DSG2: variants seen among roughly 807,000 people sequenced by gnomAD.
The protein encoded by DSG2 is desmoglein 2.
In DSG2, 45 loss-of-function variants were observed where a neutral mutation model predicts 75.6. The observed-to-expected ratio is 0.60, with a 90% confidence interval of 0.47 to 0.76. DSG2 has a LOEUF of 0.76. Ranked by LOEUF, DSG2 falls within the 30% of genes least tolerant of loss-of-function variation. The pLI is 0.00. For missense variants in DSG2, 1,267 were observed against 1,357.4 expected, an observed-to-expected ratio of 0.93 and a Z score of 1.05; for synonymous variants, 429 against 483.9, an observed-to-expected ratio of 0.89 and a Z score of 1.49.
chr18:31,531,269 C>T lies in DSG2; in HGVS notation c.1280+17C>T, dbSNP rs199885701. ...CCATGCAAGGTAAGAGAGAGTGACA[C>T]GTGTATTTCTTTATTTTAAATTATT... On this transcript the variant is annotated intron_variant, in intron 9 of 14. Transcript: ENST00000261590. 895 of 1,613,004 alleles carry T rather than the reference C, an allele frequency of 5.5e-4. 6 individuals carry two copies. The highest frequency in any genetic ancestry group is 4.9e-3 in the South Asian group (448 of 90,840).
At chr18:31,502,571 G>A (rs2073019021) in intron 1 of DSG2, among the ~76,000 whole-genome samples, 1 of 152,216 alleles carries the variant, frequency 6.6e-6, no homozygotes, top group African/African-American at 2.4e-5. Context: ...CCAGCATGGT[G>A]AAACCCCATC....
chr18:31,542,390 C>A, intron 13 of DSG2, 130 bp from the exon 14 acceptor site: 1 of 905,878 alleles, frequency 1.1e-6, no homozygotes, highest in Non-Finnish European at 1.8e-6. Flanking sequence ...ACTCAAAATA[C>A]TTTTTCTAAC....
chr18:31,502,375 G>A (rs1390228357), intron 1 of DSG2, among the ~76,000 whole-genome samples: 2 of 152,160 alleles, frequency 1.3e-5, no homozygotes, highest in African/African-American at 2.4e-5. Flanking sequence ...CTATATTTAT[G>A]ACATAGAAAA....
chr18:31,504,640 G>GTGC (rs1356823286), intron 1 of DSG2, among the ~76,000 whole-genome samples: 1 of 152,158 alleles, frequency 6.6e-6, no homozygotes, highest in African/African-American at 2.4e-5. Flanking sequence ...GGCCAAGAGG[G>GTGC]TGCTGCCCTT....
In DSG2 at chr18:31,546,000, G is replaced by C. The variant is rs754057911; in HGVS notation, c.2614G>C (p.Glu872Gln). 2.5e-6 allele frequency: 4 copies of C among 1,614,040 alleles called. No homozygotes were observed. The highest frequency in any genetic ancestry group is 1.3e-5 in the African/African-American group (1 of 74,922). The change falls in exon 15 of 15, where the codon GAG (glutamate) becomes CAG (glutamine). Residue 872 changes from glutamate to glutamine, a missense_variant. Glu to Gln is a conservative substitution (Grantham distance 29, BLOSUM62 2). Coordinates refer to ENST00000261590, the MANE Select transcript of DSG2 (RefSeq NM_001943.5). Reference sequence around the variant, plus strand: ...GAACACAGCTTCACATTCACTCTGTGAGCAAACTATGGTTAATTCAGAGAA... The same window carrying C: ...GAACACAGCTTCACATTCACTCTGTCAGCAAACTATGGTTAATTCAGAGAA... The part of the protein sequence containing the change: ...SMNTASHSLC[E>Q]QTMVNSENTY...
chr18:31,524,633 T>C lies in DSG2; in HGVS notation c.828+48T>C, dbSNP rs760689391. The C allele has an allele frequency of 5.0e-6, 8 of 1,601,482 alleles. No homozygotes were observed. The African/African-American group carries it at 1.1e-4, about 22-fold the overall frequency. ...CTGTACCTATTTATTTATATTTCAG[T>C]CCTAATTAAAAATATATCACTTATA... On this transcript the variant is annotated intron_variant, in intron 7 of 14. Coordinates refer to ENST00000261590, the MANE Select transcript of DSG2 (RefSeq NM_001943.5).
At chr18:31,539,592 A>T (rs563124960) in intron 12 of DSG2, among the ~76,000 whole-genome samples, 2 of 152,268 alleles carry the variant, frequency 1.3e-5, no homozygotes, top group South Asian at 4.1e-4. Flanking sequence ...GTTTCCTTTT[A>T]TAAAAGAACA....
intron 1 of DSG2, among the ~76,000 whole-genome samples, chr18:31,509,387 AAGTTCAAATTCAG>A (rs2073055114): frequency 6.6e-6 from 1 of 152,028 alleles, no homozygotes; most frequent in African/African-American, 2.4e-5. Context: ...TTATTATCTA[AAGTTCAAATTCAG>A]AGTTCAAAAA....
intron 8 of DSG2, among the ~76,000 whole-genome samples, chr18:31,530,564 C>A (rs1170930605): frequency 2.0e-5 from 3 of 151,966 alleles, no homozygotes; most frequent in Non-Finnish European, 2.9e-5. Flanking sequence ...ACCACAGGCA[C>A]GAGCTATCAT....
intron 6 of DSG2, 78 bp from the exon 7 acceptor site, chr18:31,524,370 T>C (rs1598812626): frequency 6.3e-7 from 1 of 1,581,664 alleles, no homozygotes. Context: ...TGGTACGTGA[T>C]AAACTGGACT....
At chr18:31,499,322 C>G (rs910228923) in intron 1 of DSG2, among the ~76,000 whole-genome samples, 2 of 151,824 alleles carry the variant, frequency 1.3e-5, no homozygotes, top group Admixed American at 6.6e-5. Context: ...ATGAGCCCTT[C>G]TATCCTCGAG....
Position 31,546,954 on chromosome 18 carries a change from A to G in DSG2, c.*211A>G, listed in dbSNP as rs555912274. On this transcript the variant is annotated 3_prime_UTR_variant, in exon 15 of 15. Coordinates refer to ENST00000261590, the MANE Select transcript of DSG2 (RefSeq NM_001943.5). The stretch of plus-strand genomic sequence containing the variant: ...ATGTTCCACAATTTACTGAAGACAT[A>G]GAGATGATGCTGCTGCTTAGGTGCC... 4.8e-4 allele frequency: 311 copies of G among 643,598 alleles called. 1 individual carries two copies. The highest frequency in any genetic ancestry group is 8.4e-4 in the Middle Eastern group (2 of 2,376). 39.9% of individuals were successfully genotyped at this position (643,598 alleles called of 1,614,324 possible). A position where few individuals can be genotyped will look rare whatever the true frequency, so the allele number is the denominator to read the frequency against.
rs146938937 is a variant in DSG2 at position 31,545,515 on chromosome 18, A to AT, written c.2335-200dup. Among the ~76,000 whole-genome samples the AT allele has an allele frequency of 0.016, 2,500 of 151,832 alleles. 77 individuals are homozygous for AT. The highest frequency in any genetic ancestry group is 0.057 in the African/African-American group (2,363 of 41,368). ...CTGAAACAGTCCCCTCTGCCTTTCTATTTTTTCCCTGATATTAATTTTTTT... is the reference window on the plus strand; with the variant it reads ...CTGAAACAGTCCCCTCTGCCTTTCTATTTTTTTCCCTGATATTAATTTTTTT... On this transcript the variant is annotated intron_variant, in intron 14 of 14. Coordinates refer to ENST00000261590, the MANE Select transcript of DSG2 (RefSeq NM_001943.5).
In DSG2 at chr18:31,546,374, G is replaced by C. The variant is rs1322460685; in HGVS notation, c.2988G>C (p.Gly996=). The C allele has an allele frequency of 6.2e-6, 10 of 1,614,042 alleles. No homozygotes were observed. Among genetic ancestry groups the C allele is most frequent in the Non-Finnish European group, 8.5e-6 (10 of 1,179,952 alleles). The change falls in exon 15 of 15, where the codon GGG becomes GGC. Residue 996 remains glycine, a synonymous_variant. Transcript: ENST00000261590. ...CTGAAAGAGTAATACAGCCTCATGG[G>C]GGTGGATCGAATCCTCTGGAAGGCA... ...VVTERVIQPH[G]GGSNPLEGTQ... is the part of the protein sequence containing the mutation.
In DSG2 at chr18:31,546,148, C is replaced by G. The variant is rs1389011316; in HGVS notation, c.2762C>G (p.Ala921Gly). The G allele has an allele frequency of 6.2e-7, 1 of 1,614,182 alleles. No individual in the cohort carries two copies. Residue 921 changes from alanine to glycine, a missense_variant, in exon 15 of 15, where the codon GCT becomes GGT. Ala to Gly is a moderately conservative substitution (Grantham distance 60, BLOSUM62 0). Coordinates refer to ENST00000261590, the MANE Select transcript of DSG2 (RefSeq NM_001943.5). ...SVSSRQAQKV[A>G]TPLPDPMASR... Reference sequence around the variant, plus strand: ...TCTTCTAGGCAGGCGCAAAAGGTAGCTACACCTCTTCCTGACCCAATGGCT... The same window carrying G: ...TCTTCTAGGCAGGCGCAAAAGGTAGGTACACCTCTTCCTGACCCAATGGCT...
intron 6 of DSG2, among the ~76,000 whole-genome samples, chr18:31,524,231 T>G (rs2073146943): frequency 2.0e-5 from 3 of 152,244 alleles, no homozygotes; most frequent in African/African-American, 4.8e-5. Context: ...AATGACTTAT[T>G]GAAGAATTTG....
chr18:31,531,056 A>G lies in DSG2; in HGVS notation c.1084A>G (p.Lys362Glu), dbSNP rs574943708. 1 of 1,614,138 alleles carries G rather than the reference A, an allele frequency of 6.2e-7. No homozygotes were observed. The highest frequency in any genetic ancestry group is 1.1e-5 in the South Asian group (1 of 91,082). Residue 362 changes from lysine to glutamate, a missense_variant, in exon 9 of 15, where the codon AAG becomes GAG. Physicochemically the swap from Lys to Glu is moderately conservative, Grantham distance 56. Transcript: ENST00000261590. ...TGTCGCTAATAAAGCAGCTTTTCAC[A>G]AGTCGATTAGGAGTAAATACAAGCC... ...VIVANKAAFH[K>E]SIRSKYKPTP...
chr18:31,545,420 T>C (rs1236566589), intron 14 of DSG2, among the ~76,000 whole-genome samples: 1 of 152,220 alleles, frequency 6.6e-6, no homozygotes, highest in Non-Finnish European at 1.5e-5. Flanking sequence ...CACTATCTTT[T>C]ACAGCAATTT....
At chr18:31,520,996 G>T in intron 4 of DSG2, 32 bp downstream of exon 4, 1 of 1,610,332 alleles carries the variant, frequency 6.2e-7, no homozygotes, top group Non-Finnish European at 8.5e-7. Flanking sequence ...TTATTAGTTT[G>T]TAGTTTTTCT....
Sources: allele counts gnomAD v4.1 joint callset (sites outside exome capture counted in the v4.1 genomes callset), GRCh38; gene constraint gnomAD v4.1.1; transcripts MANE v1.5; gene names NCBI Gene and HGNC (gene_info 2026-07-23, HGNC 2026-07-21).